NCALD: variants seen among roughly 807,000 people sequenced by gnomAD.
The protein encoded by NCALD is neurocalcin delta.
In NCALD, 10 loss-of-function variants were observed where a neutral mutation model predicts 18.6. The observed-to-expected ratio is 0.54, with a 90% CI of 0.33 to 0.91. The LOEUF is 0.91. NCALD is among the 40% of genes least tolerant of loss of function. The probability of loss-of-function intolerance (pLI) is 0.03; values close to 1 mark genes in which losing one functional copy is unlikely to be tolerated. For missense variants in NCALD, 184 were observed against 247.6 expected (o/e 0.74, Z 1.72); for synonymous variants, 88 against 87.4 (o/e 1.01, Z -0.04).
intron 1 of NCALD, among the ~76,000 whole-genome samples, chr8:102,026,900 C>G (rs368615272): frequency 2.0e-5 from 3 of 152,270 alleles, no homozygotes; most frequent in African/African-American, 7.2e-5. Context: ...TTCTGTGCAC[C>G]CAAAGGCCCA....
intron 4 of NCALD, among the ~76,000 whole-genome samples, chr8:101,819,323 T>C (rs1460462100): frequency 2.0e-5 from 3 of 151,758 alleles, no homozygotes; most frequent in East Asian, 3.9e-4. Flanking sequence ...GTTTAATAAA[T>C]GCCAAATAGT....
intron 1 of NCALD, among the ~76,000 whole-genome samples, chr8:102,058,415 A>T (rs1164235035): frequency 1.3e-5 from 2 of 152,240 alleles, no homozygotes; most frequent in Admixed American, 1.3e-4. Context: ...AAGAAATGGA[A>T]TGTTCCCACT....
intron 3 of NCALD, chr8:101,691,932 G>A (rs75791724): frequency 2.0e-5 from 20 of 985,286 alleles, no homozygotes; most frequent in South Asian, 4.7e-5. Context: ...CTACAGAGCC[G>A]GGCCCTGAGC....
intron 2 of NCALD, among the ~76,000 whole-genome samples, chr8:101,963,345 T>C (rs1012684736): frequency 2.0e-5 from 3 of 152,188 alleles, no homozygotes; most frequent in Non-Finnish European, 2.9e-5. Flanking sequence ...GTTTTTTGAC[T>C]TCCTCTCATC....
chr8:101,955,747 C>T (rs929303166), intron 2 of NCALD, among the ~76,000 whole-genome samples: 8 of 152,102 alleles, frequency 5.3e-5, no homozygotes, highest in Admixed American at 4.6e-4. Context: ...TCAGTGTTTT[C>T]AAACATAACT....
chr8:102,116,828 G>A (rs534306628), intron 1 of NCALD, among the ~76,000 whole-genome samples: 4 of 152,148 alleles, frequency 2.6e-5, no homozygotes, highest in East Asian at 1.9e-4. Context: ...TTTAACCCCC[G>A]GAACCAGTGA....
intron 4 of NCALD, among the ~76,000 whole-genome samples, chr8:101,817,811 C>T (rs1004219836): frequency 9.9e-5 from 15 of 152,162 alleles, no homozygotes; most frequent in Non-Finnish European, 1.5e-5. Flanking sequence ...TTTAAAGACC[C>T]TCTGACACCA....
chr8:101,727,207 C>T (rs1338589585), intron 1 of NCALD, among the ~76,000 whole-genome samples: 1 of 152,238 alleles, frequency 6.6e-6, no homozygotes, highest in East Asian at 1.9e-4. Flanking sequence ...CTCTAAAGCA[C>T]TGAGGCTCAT....
At chr8:101,951,084 C>A (rs75188335) in intron 2 of NCALD, among the ~76,000 whole-genome samples, 1 of 152,200 alleles carries the variant, frequency 6.6e-6, no homozygotes, top group Non-Finnish European at 1.5e-5. Context: ...AGCCAGCCCT[C>A]CTTCTGGGAG....
intron 2 of NCALD, among the ~76,000 whole-genome samples, chr8:101,931,385 G>C (rs1056115655): frequency 6.6e-6 from 1 of 152,144 alleles, no homozygotes; most frequent in Admixed American, 6.5e-5. Flanking sequence ...AAATAACCCT[G>C]TTAACAACAT....
chr8:101,751,446 C>T (rs1167574635), intron 1 of NCALD, among the ~76,000 whole-genome samples: 1 of 152,036 alleles, frequency 6.6e-6, no homozygotes, highest in African/African-American at 2.4e-5. Flanking sequence ...AGTTATACAA[C>T]ATTTGAATAT....
chr8:101,818,447 A>G (rs1483229698), intron 4 of NCALD, among the ~76,000 whole-genome samples: 2 of 152,188 alleles, frequency 1.3e-5, no homozygotes, highest in Non-Finnish European at 2.9e-5. Context: ...TAGACTTCAC[A>G]GGTGGAGTTA....
chr8:101,808,448 C>G (rs888838816), intron 4 of NCALD, among the ~76,000 whole-genome samples: 1 of 152,190 alleles, frequency 6.6e-6, no homozygotes, highest in African/African-American at 2.4e-5. Context: ...ACATCTGTGG[C>G]AGCAGTTGCT....
chr8:101,769,896 A>G (rs1371534706), intron 1 of NCALD, among the ~76,000 whole-genome samples: 3 of 152,186 alleles, frequency 2.0e-5, no homozygotes, highest in East Asian at 1.9e-4. Context: ...CTCTGGATCA[A>G]TGCTGGCCAG....
intron 2 of NCALD, among the ~76,000 whole-genome samples, chr8:102,016,169 G>T (rs2132083477): frequency 6.6e-6 from 1 of 152,270 alleles, no homozygotes; most frequent in Non-Finnish European, 1.5e-5. Context: ...CAAGAAACTT[G>T]CAGGTCCAGG....
chr8:101,870,618 A>G (rs1158446471), intron 4 of NCALD, among the ~76,000 whole-genome samples: 1 of 152,146 alleles, frequency 6.6e-6, no homozygotes, highest in Non-Finnish European at 1.5e-5. Context: ...GAAGAGGCCA[A>G]CTCATCACTG....
intron 1 of NCALD, among the ~76,000 whole-genome samples, chr8:102,088,514 T>C (rs1824814605): frequency 6.6e-6 from 1 of 151,858 alleles, no homozygotes; most frequent in Non-Finnish European, 1.5e-5. Context: ...CTGGAGTTCC[T>C]TGGGAAAAAC....
intron 1 of NCALD, among the ~76,000 whole-genome samples, chr8:102,032,920 G>A (rs573112028): frequency 6.6e-6 from 1 of 152,258 alleles, no homozygotes; most frequent in South Asian, 2.1e-4. Flanking sequence ...CCATTACTGT[G>A]TGTTCACCCT....
chr8:101,854,533 A>G (rs778321948), intron 4 of NCALD, among the ~76,000 whole-genome samples: 18 of 152,026 alleles, frequency 1.2e-4, no homozygotes, highest in African/African-American at 2.7e-4. Flanking sequence ...TCTATTGTCA[A>G]ATTTTCCTGG....
Sources: gnomAD v4.1 joint callset for allele counts (sites outside exome capture counted in the v4.1 genomes callset) on GRCh38, gnomAD v4.1.1 for gene constraint, MANE v1.5 for transcripts, NCBI Gene and HGNC (gene_info 2026-07-23, HGNC 2026-07-21) for gene names.